Variants in TIAM1 observed in about 807,000 individuals in gnomAD.
TIAM1 encodes TIAM Rac1 associated GEF 1, also known as rho guanine nucleotide exchange factor TIAM1.
TIAM1 carries 65 observed loss-of-function variants against 163.5 expected under a neutral mutation model. The ratio of observed to expected loss-of-function variants is 0.40; its 90% CI spans 0.33 to 0.49. The LOEUF is 0.49. Ranked by LOEUF, TIAM1 falls within the 20% of genes least tolerant of loss-of-function variation. TIAM1 has a pLI of 0.77. For missense variants in TIAM1, 1,789 were observed against 2,044.7 expected (o/e 0.87, Z 2.41); for synonymous variants, 833 against 810.1 (o/e 1.03, Z -0.48).
At chr21:31,206,480 G>A (rs905385494) in intron 11 of TIAM1, among the ~76,000 whole-genome samples, 1 of 152,174 alleles carries the variant, frequency 6.6e-6, no homozygotes, top group East Asian at 1.9e-4. Context: ...ACATTCAAGT[G>A]AAAACTCAAA....
Position 31,154,227 on chromosome 21 carries a change from G to T in TIAM1, c.3171+20C>A. On this transcript the variant is annotated intron_variant, in intron 17 of 27. Coordinates refer to ENST00000541036, the MANE Select transcript of TIAM1 (RefSeq NM_001353694.2). ...CTTTACGAGGCAGAGGGAGGGCAGG[G>T]GGAGAAAAAAGAAACATACCTTCAC... The T allele has an allele frequency of 6.2e-7, 1 of 1,610,432 alleles. No homozygotes were observed. The highest frequency in any genetic ancestry group is 8.5e-7 in the Non-Finnish European group (1 of 1,177,542).
chr21:31,513,155 A>T (rs76685475), intron 1 of TIAM1, among the ~76,000 whole-genome samples: 2 of 152,266 alleles, frequency 1.3e-5, no homozygotes, highest in South Asian at 4.1e-4. Context: ...ATTTTCACAC[A>T]TGCCATATAT....
intron 3 of TIAM1, 125 bp from the exon 4 acceptor site, chr21:31,267,108 G>C: frequency 7.5e-7 from 1 of 1,328,262 alleles, no homozygotes; most frequent in Non-Finnish European, 1.0e-6. Flanking sequence ...TGTTAGGTAA[G>C]TAACAGCACA....
At chr21:31,503,824 C>G (rs922982071) in intron 1 of TIAM1, among the ~76,000 whole-genome samples, 9 of 150,952 alleles carry the variant, frequency 6.0e-5, no homozygotes, top group South Asian at 2.1e-4. Flanking sequence ...TTTGAGACAT[C>G]ACTAGCCTAA....
At chr21:31,485,691 T>C (rs921632617) in intron 1 of TIAM1, among the ~76,000 whole-genome samples, 5 of 152,052 alleles carry the variant, frequency 3.3e-5, no homozygotes, top group Admixed American at 1.3e-4. Context: ...CTTGTACGGC[T>C]TGTGTCCCAG....
intron 2 of TIAM1, among the ~76,000 whole-genome samples, chr21:31,400,678 G>A (rs1276431338): frequency 1.3e-5 from 2 of 152,176 alleles, no homozygotes; most frequent in Non-Finnish European, 2.9e-5. Flanking sequence ...GACACAGCTG[G>A]TTAGTGGGGC....
intron 2 of TIAM1, among the ~76,000 whole-genome samples, chr21:31,373,015 A>G (rs2076623322): frequency 6.7e-6 from 1 of 148,566 alleles, no homozygotes; most frequent in African/African-American, 2.5e-5. Flanking sequence ...AGATTGCACC[A>G]TTGCACTCCA....
At chr21:31,452,003 A>G (rs1402351672) in intron 2 of TIAM1, among the ~76,000 whole-genome samples, 1 of 152,164 alleles carries the variant, frequency 6.6e-6, no homozygotes, top group Non-Finnish European at 1.5e-5. Context: ...GAGGGAAAAC[A>G]GTAAGTTTGG....
In TIAM1 at chr21:31,451,671, C is replaced by A. The variant is rs573252596; in HGVS notation, c.-369+12312G>T. Among the ~76,000 whole-genome samples, 5 of 84,630 alleles carry A rather than the reference C, an allele frequency of 5.9e-5. No homozygotes were observed. In the South Asian group the frequency reaches 1.8e-3, roughly 31 times the overall value. 55.5% of individuals were successfully genotyped at this position (84,630 alleles called of 152,430 possible). A position where few individuals can be genotyped will look rare whatever the true frequency, so the allele number is the denominator to read the frequency against. On this transcript the variant is annotated intron_variant, in intron 2 of 28. Coordinates refer to the TIAM1 transcript ENST00000286827. ...ATTTGTTCATAGAGAAAAGGATGGA[C>A]AATTAAGCCAACACCAGGCACCAGG...
chr21:31,152,841 T>C, intron 18 of TIAM1, 80 bp from the exon 19 acceptor site: 2 of 1,528,034 alleles, frequency 1.3e-6, no homozygotes, highest in South Asian at 2.6e-5. Flanking sequence ...TACAAGGTTT[T>C]TCTATCAATT....
intron 2 of TIAM1, among the ~76,000 whole-genome samples, chr21:31,442,775 AGTT>A (rs772806829): frequency 7.2e-5 from 11 of 152,210 alleles, no homozygotes; most frequent in Non-Finnish European, 1.3e-4. Context: ...GCCTGACTAC[AGTT>A]TCATCAAGGA....
At chr21:31,157,774 G>C (rs1443055010) in intron 16 of TIAM1, among the ~76,000 whole-genome samples, 1 of 152,150 alleles carries the variant, frequency 6.6e-6, no homozygotes, top group Non-Finnish European at 1.5e-5. Context: ...GTCCTGGCTA[G>C]AAATCAATTT....
At chr21:31,201,074 A>C (rs931272084) in intron 12 of TIAM1, among the ~76,000 whole-genome samples, 3 of 152,212 alleles carry the variant, frequency 2.0e-5, no homozygotes, top group African/African-American at 7.2e-5. Flanking sequence ...TGAAGTACCT[A>C]TACCTCTTAT....
intron 3 of TIAM1, among the ~76,000 whole-genome samples, chr21:31,275,054 G>A (rs865872644): frequency 2.0e-5 from 3 of 151,520 alleles, no homozygotes; most frequent in Non-Finnish European, 4.4e-5. Context: ...CCCTGGAGGC[G>A]GAGACTGCAG....
chr21:31,356,240 T>G (rs1480468591), intron 2 of TIAM1, among the ~76,000 whole-genome samples: 2 of 152,106 alleles, frequency 1.3e-5, no homozygotes, highest in Admixed American at 6.5e-5. Flanking sequence ...CACTTGGAGT[T>G]TTCAACTTAT....
At chr21:31,280,032 GCA>G (rs10635457) in intron 2 of TIAM1, among the ~76,000 whole-genome samples, 4 of 151,082 alleles carry the variant, frequency 2.6e-5, no homozygotes, top group Non-Finnish European at 5.9e-5. Flanking sequence ...ACGCGTGCGC[GCA>G]CACACACACA....
At chr21:31,221,581 C>T (rs73351599) in intron 8 of TIAM1, among the ~76,000 whole-genome samples, 10,368 of 152,224 alleles carry the variant, frequency 0.068, 1,068 homozygotes, top group African/African-American at 0.23. Flanking sequence ...AGGGAGGCTG[C>T]GCCCAGTGGC....
intron 7 of TIAM1, 43 bp downstream of exon 7, chr21:31,225,683 A>C: frequency 6.8e-7 from 1 of 1,476,240 alleles, no homozygotes; most frequent in Non-Finnish European, 9.3e-7. Flanking sequence ...CCTTTTAGAG[A>C]CCTAACAATT....
chr21:31,384,590 A>C (rs2076834576), intron 2 of TIAM1, among the ~76,000 whole-genome samples: 1 of 152,082 alleles, frequency 6.6e-6, no homozygotes, highest in Admixed American at 6.6e-5. Context: ...AACAAAAGAA[A>C]GAAAGCTTTC....
Sources: gnomAD v4.1 joint callset for allele counts (sites outside exome capture counted in the v4.1 genomes callset) on GRCh38, gnomAD v4.1.1 for gene constraint, MANE v1.5 for transcripts, NCBI Gene and HGNC (gene_info 2026-07-23, HGNC 2026-07-21) for gene names.